SLC17A6: variants seen among roughly 807,000 people sequenced by gnomAD.
SLC17A6 encodes the protein vesicular glutamate transporter 2.
In SLC17A6, 35 loss-of-function variants were observed where a neutral mutation model predicts 67.1. The observed-to-expected ratio is 0.52, with a 90% CI of 0.40 to 0.69. The LOEUF is 0.69. SLC17A6 is among the 30% of genes least tolerant of loss of function. SLC17A6 has a pLI of 0.00. For synonymous variants in SLC17A6, 285 were observed against 252.3 expected, an observed-to-expected ratio of 1.13 and a Z score of -1.23; for missense variants, 588 against 723.9, an observed-to-expected ratio of 0.81 and a Z score of 2.15.
intron 3 of SLC17A6, among the ~76,000 whole-genome samples, chr11:22,350,926 G>T (rs1265434700): frequency 1.3e-5 from 2 of 152,016 alleles, no homozygotes; most frequent in Admixed American, 1.3e-4. Flanking sequence ...GTATTTCATT[G>T]ATAGTTTGTT....
chr11:22,359,642 G>A, intron 4 of SLC17A6, 115 bp downstream of exon 4: 1 of 490,920 alleles, frequency 2.0e-6, no homozygotes, highest in Non-Finnish European at 3.3e-6. Flanking sequence ...TCTAAATAGA[G>A]TTAAAATAAA....
At chr11:22,368,155 C>T (rs1221904859) in intron 7 of SLC17A6, among the ~76,000 whole-genome samples, 1 of 152,074 alleles carries the variant, frequency 6.6e-6, no homozygotes, top group Non-Finnish European at 1.5e-5. Flanking sequence ...CCCTCACTAT[C>T]TCAGTACTAC....
intron 3 of SLC17A6, among the ~76,000 whole-genome samples, chr11:22,349,541 T>C (rs2133862905): frequency 6.6e-6 from 1 of 152,330 alleles, no homozygotes; most frequent in East Asian, 1.9e-4. Flanking sequence ...CCCTTACCCC[T>C]TACTAGCTCT....
chr11:22,352,905 T>C (rs187506810), intron 3 of SLC17A6, among the ~76,000 whole-genome samples: 2 of 152,344 alleles, frequency 1.3e-5, no homozygotes, highest in East Asian at 3.9e-4. Flanking sequence ...AAGAGGCTGA[T>C]GCATTTCAAT....
At chr11:22,349,048 A>G (rs1244310390) in intron 3 of SLC17A6, among the ~76,000 whole-genome samples, 1 of 152,132 alleles carries the variant, frequency 6.6e-6, no homozygotes, top group Non-Finnish European at 1.5e-5. Context: ...ACGGACACAC[A>G]AACACACACA....
chr11:22,340,145 T>C (rs1006185879), intron 1 of SLC17A6, among the ~76,000 whole-genome samples: 3 of 152,196 alleles, frequency 2.0e-5, no homozygotes, highest in Non-Finnish European at 4.4e-5. Context: ...AGTTTAAAAA[T>C]TTCACTTGCT....
At chr11:22,351,999 A>G (rs1390375226) in intron 3 of SLC17A6, among the ~76,000 whole-genome samples, 4 of 152,206 alleles carry the variant, frequency 2.6e-5, no homozygotes, top group Admixed American at 1.3e-4. Flanking sequence ...CCAAACAAAA[A>G]TGATGAAACA....
intron 3 of SLC17A6, among the ~76,000 whole-genome samples, chr11:22,356,065 A>T (rs966425732): frequency 6.6e-6 from 1 of 152,150 alleles, no homozygotes; most frequent in Admixed American, 6.5e-5. Context: ...CCCTGGATTT[A>T]AATCTGAGCT....
intron 5 of SLC17A6, 105 bp downstream of exon 5, chr11:22,361,089 G>C: frequency 2.5e-6 from 2 of 805,588 alleles, no homozygotes; most frequent in Non-Finnish European, 4.0e-6. Context: ...TCTGGGTTTT[G>C]TATGAACATC....
chr11:22,376,478 G>A (rs971837704), intron 10 of SLC17A6, 67 bp from the exon 11 acceptor site: 191 of 1,580,810 alleles, frequency 1.2e-4, no homozygotes, highest in Admixed American at 2.2e-4. Flanking sequence ...GTGATGTGTG[G>A]TTCTATAGGT....
At chr11:22,364,363 A>G (rs921057721) in intron 6 of SLC17A6, among the ~76,000 whole-genome samples, 16 of 152,126 alleles carry the variant, frequency 1.1e-4, no homozygotes, top group Non-Finnish European at 1.9e-4. Context: ...GTTGATTTAT[A>G]TATTACCTCC....
At chr11:22,361,013 G>A (rs1272390494) in intron 5 of SLC17A6, 29 bp downstream of exon 5, 5 of 1,586,414 alleles carry the variant, frequency 3.2e-6, no homozygotes, top group East Asian at 2.2e-5. Context: ...TGCAGCTATG[G>A]TGGCTAAAAG....
chr11:22,342,589 C>T (rs1408064478), intron 2 of SLC17A6, among the ~76,000 whole-genome samples: 1 of 152,138 alleles, frequency 6.6e-6, no homozygotes, highest in Non-Finnish European at 1.5e-5. Flanking sequence ...GGGGAGTCAC[C>T]CAGGCTGCTC....
At chr11:22,345,479 T>A (rs1259207986) in intron 3 of SLC17A6, among the ~76,000 whole-genome samples, 2 of 152,048 alleles carry the variant, frequency 1.3e-5, no homozygotes, top group Non-Finnish European at 2.9e-5. Flanking sequence ...CCCAGCTAAT[T>A]TTTTTATAGA....
chr11:22,343,055 T>A (rs1179206405), intron 2 of SLC17A6, 192 bp from the exon 3 acceptor site: 6 of 653,150 alleles, frequency 9.2e-6, no homozygotes, highest in Non-Finnish European at 8.2e-6. Context: ...TCACAATACA[T>A]TTTGTTAATG....
chr11:22,339,093 A>G (rs2896647), intron 1 of SLC17A6, among the ~76,000 whole-genome samples: 1 of 89,900 alleles, frequency 1.1e-5, no homozygotes, highest in Non-Finnish European at 2.1e-5. Flanking sequence ...TATATATGTT[A>G]TATATATATG....
In SLC17A6 at chr11:22,343,293, G is replaced by T. The variant is rs750368408; in HGVS notation, c.386G>T (p.Gly129Val). 1 of 1,612,336 alleles carries T rather than the reference G, an allele frequency of 6.2e-7. No individual in the cohort carries two copies. The highest frequency in any genetic ancestry group is 1.3e-5 in the African/African-American group (1 of 74,740). Reference sequence around the variant, plus strand: ...CCGGAAACCGTGGGGATGATCCACGGTTCCTTCTTTTGGGGCTACATCATC... The same window carrying T: ...CCGGAAACCGTGGGGATGATCCACGTTTCCTTCTTTTGGGGCTACATCATC... ...WDPETVGMIH[G>V]SFFWGYIITQ... is the part of the protein sequence containing the mutation. The change falls in exon 3 of 12, where the codon GGT becomes GTT. Residue 129 changes from glycine (G) to valine (V), a missense_variant. Coordinates refer to ENST00000263160, the MANE Select transcript of SLC17A6 (RefSeq NM_020346.3).
chr11:22,355,511 C>T (rs1226536575), intron 3 of SLC17A6, among the ~76,000 whole-genome samples: 1 of 152,104 alleles, frequency 6.6e-6, no homozygotes, highest in Non-Finnish European at 1.5e-5. Context: ...TCCTCAATCC[C>T]ACTAAGCTTC....
At position 22,377,584 on chromosome 11, in the gene SLC17A6, T is replaced by C. The variant is rs773950834; in HGVS notation, c.1593T>C (p.Ile531=). 1.3e-5 allele frequency: 21 copies of C among 1,614,028 alleles called. No individual in the cohort carries two copies. The highest frequency in any genetic ancestry group is 1.6e-5 in the Non-Finnish European group (19 of 1,180,010). Reference sequence around the variant, plus strand: ...AACTCGATGAAGAAACAGGGGACATTACTCAAAATTATATAAATTATGGTA... The same window carrying C: ...AACTCGATGAAGAAACAGGGGACATCACTCAAAATTATATAAATTATGGTA... ...EDELDEETGD[I]TQNYINYGTT... is the part of the protein sequence containing the mutation. The change falls in exon 12 of 12, where the codon ATT becomes ATC. Residue 531 remains isoleucine, a synonymous_variant. Transcript: ENST00000263160.
Sources: allele counts gnomAD v4.1 joint callset (sites outside exome capture counted in the v4.1 genomes callset), GRCh38; gene constraint gnomAD v4.1.1; transcripts MANE v1.5; gene names NCBI Gene and HGNC (gene_info 2026-07-23, HGNC 2026-07-21).